PPP1R1C: variants seen among roughly 807,000 people sequenced by gnomAD.
PPP1R1C encodes protein phosphatase 1 regulatory inhibitor subunit 1C, also known as protein phosphatase 1 regulatory subunit 1C.
A neutral mutation model predicts 17.4 loss-of-function variants in PPP1R1C; 15 were observed. The observed-to-expected ratio is 0.86, with a 90% confidence interval of 0.58 to 1.33. The LOEUF (loss-of-function observed/expected upper bound fraction) is 1.33, where lower values mean the gene tolerates loss of function less well. PPP1R1C is among the 40% of genes most tolerant of loss of function. The probability of loss-of-function intolerance (pLI) is 0.00; values close to 1 mark genes in which losing one functional copy is unlikely to be tolerated. For missense variants in PPP1R1C, 143 were observed against 130.0 expected (o/e 1.10, Z -0.48); for synonymous variants, 35 against 43.1 (o/e 0.81, Z 0.73).
intron 4 of PPP1R1C, among the ~76,000 whole-genome samples, chr2:182,079,791 TC>T (rs1407139694): frequency 6.6e-6 from 1 of 152,164 alleles, no homozygotes; most frequent in African/African-American, 2.4e-5. Flanking sequence ...TCTTCCAGTT[TC>T]TGGTGGCCCC....
At chr2:182,127,064 A>G (rs1689892509) in intron 5 of PPP1R1C, among the ~76,000 whole-genome samples, 3 of 152,118 alleles carry the variant, frequency 2.0e-5, no homozygotes, top group Admixed American at 6.6e-5. Flanking sequence ...TAAAATTACC[A>G]TATTAGAATC....
downstream of PPP1R1C, chr2:182,130,636 G>C (rs535815900): frequency 6.6e-6 from 1 of 152,242 alleles, no homozygotes; most frequent in South Asian, 2.1e-4. Flanking sequence ...AAGCCTTGCA[G>C]TAGATGAGTG....
At chr2:182,129,935 T>C (rs1026822593) in exon 6 of PPP1R1C, 1 of 152,138 alleles carries the variant, frequency 6.6e-6, no homozygotes, top group African/African-American at 2.4e-5. Flanking sequence ...TCTTGGGCAT[T>C]GACTTCAAAC....
At chr2:182,118,536 A>G (rs1211772422), downstream of PPP1R1C, among the ~76,000 whole-genome samples, 1 of 152,176 alleles carries the variant, frequency 6.6e-6, no homozygotes, top group Admixed American at 6.5e-5. Flanking sequence ...GCAGGAAGAA[A>G]AAATCAAATG....
chr2:182,111,105 G>T (rs1240253207), intron 4 of PPP1R1C, among the ~76,000 whole-genome samples: 1 of 152,052 alleles, frequency 6.6e-6, no homozygotes, highest in African/African-American at 2.4e-5. Flanking sequence ...CAAAGATATT[G>T]TTTGAATTCA....
intron 4 of PPP1R1C, among the ~76,000 whole-genome samples, chr2:182,075,581 T>A (rs943840431): frequency 2.6e-5 from 4 of 152,122 alleles, no homozygotes; most frequent in Admixed American, 1.3e-4. Context: ...ACACATAAAA[T>A]TTACACACCA....
At chr2:181,990,133 A>C (rs1167679527) in intron 2 of PPP1R1C, among the ~76,000 whole-genome samples, 1 of 143,474 alleles carries the variant, frequency 7.0e-6, no homozygotes, top group Non-Finnish European at 1.5e-5. Context: ...GATATCTCCA[A>C]GCTTTCTTTT....
chr2:182,109,756 G>C (rs1309451549), intron 4 of PPP1R1C, among the ~76,000 whole-genome samples: 1 of 152,072 alleles, frequency 6.6e-6, no homozygotes, highest in African/African-American at 2.4e-5. Context: ...TTTATAGTAA[G>C]TCTTAAACTA....
At chr2:181,963,509 C>T (rs563222127) in intron 1 of PPP1R1C, among the ~76,000 whole-genome samples, 6 of 152,170 alleles carry the variant, frequency 3.9e-5, no homozygotes, top group East Asian at 1.9e-4. Flanking sequence ...CATGGTGGTG[C>T]GTTCCTGTAA....
chr2:182,106,726 T>G (rs1689264593), intron 4 of PPP1R1C, among the ~76,000 whole-genome samples: 1 of 152,196 alleles, frequency 6.6e-6, no homozygotes, highest in Non-Finnish European at 1.5e-5. Flanking sequence ...ACAAGCCACC[T>G]GCAGACAGCA....
chr2:182,049,838 C>A (rs889817642), intron 2 of PPP1R1C, among the ~76,000 whole-genome samples: 2 of 152,108 alleles, frequency 1.3e-5, no homozygotes, highest in African/African-American at 4.8e-5. Flanking sequence ...ATTATTTATT[C>A]ACTTACCCAG....
intron 2 of PPP1R1C, 51 bp from the exon 3 acceptor site, chr2:182,061,391 T>TACAAGAAAG (rs1439423682): frequency 8.5e-7 from 1 of 1,175,560 alleles, no homozygotes; most frequent in Non-Finnish European, 1.2e-6. Context: ...ATATATATAT[T>TACAAGAAAG]ACAAGAAAGA....
chr2:181,985,703 T>G (rs772375667), upstream of PPP1R1C, among the ~76,000 whole-genome samples: 2 of 152,172 alleles, frequency 1.3e-5, no homozygotes, highest in Non-Finnish European at 1.5e-5. This position sits in a 1 kb window ranked among gnomAD's most constrained non-coding sequence, Gnocchi z 4.1. Flanking sequence ...TACATTGCAC[T>G]TTTGAGCAGC....
chr2:182,119,988 A>G (rs984299366), downstream of PPP1R1C, among the ~76,000 whole-genome samples: 13 of 152,158 alleles, frequency 8.5e-5, no homozygotes, highest in Admixed American at 1.3e-4. Flanking sequence ...GCCCATGCCT[A>G]TGTCCTGAAT....
At chr2:182,080,812 A>G (rs996356566) in intron 4 of PPP1R1C, among the ~76,000 whole-genome samples, 28 of 152,188 alleles carry the variant, frequency 1.8e-4, no homozygotes, top group African/African-American at 6.3e-4. Flanking sequence ...CAGCCATTTT[A>G]TAGCTCTGGC....
chr2:182,024,840 G>A (rs895481129), intron 2 of PPP1R1C, among the ~76,000 whole-genome samples: 1 of 150,476 alleles, frequency 6.6e-6, no homozygotes, highest in African/African-American at 2.5e-5. Flanking sequence ...GGGCAACAAA[G>A]CAAGAATCTG....
chr2:182,083,018 C>G (rs1352506696), intron 4 of PPP1R1C, among the ~76,000 whole-genome samples: 1 of 152,058 alleles, frequency 6.6e-6, no homozygotes, highest in Non-Finnish European at 1.5e-5. Flanking sequence ...GGAACATGAC[C>G]AGAGCATAAT....
chr2:182,061,125 C>G (rs1458789014), intron 2 of PPP1R1C, among the ~76,000 whole-genome samples: 2 of 152,026 alleles, frequency 1.3e-5, no homozygotes, highest in Non-Finnish European at 2.9e-5. Flanking sequence ...GTTCCTGACA[C>G]CTTAACTGTG....
chr2:182,037,742 A>T (rs912678599), intron 2 of PPP1R1C, among the ~76,000 whole-genome samples: 4 of 152,212 alleles, frequency 2.6e-5, no homozygotes, highest in Non-Finnish European at 5.9e-5. Context: ...AGAAACTATG[A>T]ACTGTTAATT....
Sources: gnomAD v4.1 joint callset for allele counts (sites outside exome capture counted in the v4.1 genomes callset) on GRCh38, gnomAD v4.1.1 for gene constraint, Gnocchi (gnomAD v3.1) non-coding constraint, MANE v1.5 for transcripts, NCBI Gene and HGNC (gene_info 2026-07-23, HGNC 2026-07-21) for gene names.